Variants in TMEM11 observed in about 807,000 individuals in gnomAD.
The protein encoded by TMEM11 is transmembrane protein 11.
A neutral mutation model predicts 17.0 loss-of-function variants in TMEM11; 1 was observed. The observed-to-expected ratio is 0.06, with a 90% CI of 0.02 to 0.28. The LOEUF (loss-of-function observed/expected upper bound fraction) is 0.28. Among genes scored for constraint, TMEM11 ranks in the 10% least tolerant of loss-of-function variants. The pLI is 1.00. For missense variants in TMEM11, 172 were observed against 252.9 expected (o/e 0.68, Z 2.17); for synonymous variants, 122 against 118.1 (o/e 1.03, Z -0.21).
Position 21,198,834 on chromosome 17 carries a change from G to T in TMEM11, c.69C>A (p.Ser23Arg), listed in dbSNP as rs1974848639. Residue 23 changes from serine (S) to arginine (R), a missense_variant, in exon 2 of 2, where the codon AGC (serine) becomes AGA (arginine). Ser to Arg is a moderately radical substitution (Grantham distance 110). Around this residue, in one of 2 missense-constraint regions of TMEM11, gnomAD observed 49 missense variants for 39.3 expected, o/e 1.25. Coordinates refer to ENST00000317635, the MANE Select transcript of TMEM11 (RefSeq NM_003876.3). This position sits in a 1 kb window ranked among gnomAD's most constrained non-coding sequence, Gnocchi z 6.5. ...CAATGTAGCAGTCTGTGGCCGACAA[G>T]CTCACCCTTTTGATGGAGGGGGCAG... is the stretch of plus-strand genomic sequence containing the variant. ...SSGGSARERV[S>R]LSATDCYIVH... The T allele has an allele frequency of 6.2e-7, 1 of 1,607,852 alleles. No homozygotes were observed. Among genetic ancestry groups the T allele is most frequent in the Non-Finnish European group, 8.5e-7 (1 of 1,175,650 alleles).
chr17:21,203,959 T>TC (rs1974911848), intron 1 of TMEM11, among the ~76,000 whole-genome samples: 3 of 40,390 alleles, frequency 7.4e-5, no homozygotes, highest in Admixed American at 6.1e-4. Flanking sequence ...TCTTTTTTTT[T>TC]CCTTTTTTTT....
intron 1 of TMEM11, among the ~76,000 whole-genome samples, chr17:21,204,429 T>C (rs1274081811): frequency 3.9e-5 from 4 of 102,132 alleles, no homozygotes; most frequent in African/African-American, 1.8e-4. Context: ...TAAAACTCCG[T>C]CTCAATAAAA....
intron 1 of TMEM11, among the ~76,000 whole-genome samples, chr17:21,208,193 T>C (rs1056768436): frequency 2.0e-5 from 3 of 150,178 alleles, no homozygotes; most frequent in Non-Finnish European, 3.0e-5. Context: ...GGGGTTTCAC[T>C]GTGTTAGCGA....
intron 1 of TMEM11, among the ~76,000 whole-genome samples, chr17:21,209,749 A>G (rs2144309931): frequency 6.6e-6 from 1 of 152,330 alleles, no homozygotes; most frequent in South Asian, 2.1e-4. Context: ...AGCCTGGGTG[A>G]CAGAGCCAGA....
rs1307941779 is a variant in TMEM11 at position 21,209,630 on chromosome 17, G to A, written c.62+4461C>T. 5.3e-5 allele frequency among the ~76,000 whole-genome samples: 8 copies of A among 152,130 alleles called. No homozygotes were observed. The South Asian group carries it at 6.2e-4, about 12-fold the overall frequency. ...CAAAAAATACAAAAATGAGCTGGGCGTGGTGGTACATGCCTGTGGTCCCAG... is the reference window on the plus strand; with the variant it reads ...CAAAAAATACAAAAATGAGCTGGGCATGGTGGTACATGCCTGTGGTCCCAG... On this transcript the variant is annotated intron_variant, in intron 1 of 1. Transcript: ENST00000317635.
chr17:21,212,610 A>C (rs984980493), intron 1 of TMEM11, among the ~76,000 whole-genome samples: 3 of 152,370 alleles, frequency 2.0e-5, no homozygotes, highest in Admixed American at 2.0e-4. Flanking sequence ...TCAAGCCAAA[A>C]CAAAAACAAT....
intron 1 of TMEM11, among the ~76,000 whole-genome samples, chr17:21,202,036 A>AGATGAGAAATG (rs1974888091): frequency 6.6e-6 from 1 of 152,252 alleles, no homozygotes; most frequent in East Asian, 1.9e-4. Context: ...CCACGTGCTC[A>AGATGAGAAATG]GATGAGAAAT....
At chr17:21,208,034 C>A (rs1974962320) in intron 1 of TMEM11, among the ~76,000 whole-genome samples, 1 of 150,800 alleles carries the variant, frequency 6.6e-6, no homozygotes, top group South Asian at 2.1e-4. Flanking sequence ...GCTCTGTCGC[C>A]CAGGCTCAAG....
At chr17:21,211,301 T>G in intron 1 of TMEM11, 1 of 1,122,356 alleles carries the variant, frequency 8.9e-7, no homozygotes, top group Admixed American at 2.4e-5. Context: ...CCTCCTATCT[T>G]AGTCGAAACC....
In TMEM11 at chr17:21,198,911, T is replaced by C. The variant is rs895785756; in HGVS notation, c.63-71A>G. The C allele has an allele frequency of 2.0e-6, 3 of 1,527,670 alleles. No individual in the cohort carries two copies. Among genetic ancestry groups the C allele is most frequent in the Admixed American group, 3.8e-5 (2 of 52,898 alleles). 94.6% of individuals were successfully genotyped at this position (1,527,670 alleles called of 1,614,324 possible). A position where few individuals can be genotyped will look rare whatever the true frequency, so the allele number is the denominator to read the frequency against. ...ATGATTAGGCTGAGGAGCACTTAACTGTGTTTCAGCGCTGGGGGAGGTCTG... is the reference window on the plus strand; with the variant it reads ...ATGATTAGGCTGAGGAGCACTTAACCGTGTTTCAGCGCTGGGGGAGGTCTG... On this transcript the variant is annotated intron_variant, in intron 1 of 1. Coordinates refer to ENST00000317635, the MANE Select transcript of TMEM11 (RefSeq NM_003876.3). The surrounding 1 kb of genome is among the most constrained non-coding windows in gnomAD (Gnocchi z 6.5).
intron 1 of TMEM11, among the ~76,000 whole-genome samples, chr17:21,211,402 T>C (rs953839076): frequency 6.6e-6 from 1 of 152,232 alleles, no homozygotes; most frequent in African/African-American, 2.4e-5. Context: ...AAGTGGCTAT[T>C]GAGCACTTGA....
chr17:21,202,496 T>G (rs866886399), intron 1 of TMEM11, among the ~76,000 whole-genome samples: 1 of 152,104 alleles, frequency 6.6e-6, no homozygotes, highest in African/African-American at 2.4e-5. Context: ...GAAATTCCAG[T>G]GGAAACCCCG....
intron 1 of TMEM11, among the ~76,000 whole-genome samples, chr17:21,203,950 CTTTTTTTTTCCTTT>C (rs1158369109): frequency 1.2e-4 from 7 of 59,722 alleles, no homozygotes; most frequent in African/African-American, 3.6e-4. Flanking sequence ...CATGGGAGAT[CTTTTTTTTTCCTTT>C]TTTTTTTTTT....
chr17:21,209,813 G>A (rs546431295), intron 1 of TMEM11, among the ~76,000 whole-genome samples: 2 of 152,266 alleles, frequency 1.3e-5, no homozygotes, highest in African/African-American at 4.8e-5. Flanking sequence ...AGAGCCACAC[G>A]TGGCTAATGG....
chr17:21,204,435 T>TAAAAAAAAA (rs71160127), intron 1 of TMEM11, among the ~76,000 whole-genome samples: 12 of 96,796 alleles, frequency 1.2e-4, no homozygotes, highest in African/African-American at 3.0e-4. Flanking sequence ...TCCGTCTCAA[T>TAAAAAAAAA]AAAAAAAAAA....
At chr17:21,199,818 ACTG>A (rs1974863576) in intron 1 of TMEM11, among the ~76,000 whole-genome samples, 1 of 152,166 alleles carries the variant, frequency 6.6e-6, no homozygotes, top group African/African-American at 2.4e-5. Context: ...ACACTAGCCC[ACTG>A]CATAGGAAAA....
chr17:21,208,700 C>T (rs758568226), intron 1 of TMEM11, among the ~76,000 whole-genome samples: 4 of 152,136 alleles, frequency 2.6e-5, no homozygotes, highest in Non-Finnish European at 5.9e-5. Context: ...GAGTGGGGCC[C>T]GGGCTCACAG....
chr17:21,207,329 A>G (rs1345758371), intron 1 of TMEM11, among the ~76,000 whole-genome samples: 1 of 151,664 alleles, frequency 6.6e-6, no homozygotes, highest in African/African-American at 2.4e-5. Flanking sequence ...CAGGACTTCA[A>G]GACCAGGCTG....
intron 1 of TMEM11, among the ~76,000 whole-genome samples, chr17:21,204,406 C>T (rs1324372775): frequency 1.5e-5 from 2 of 132,292 alleles, no homozygotes; most frequent in Admixed American, 8.7e-5. Flanking sequence ...TGCACTCCAG[C>T]GTGGGCAACA....
Sources: gnomAD v4.1 joint callset for allele counts (sites outside exome capture counted in the v4.1 genomes callset) on GRCh38, gnomAD v4.1.1 for gene constraint, gnomAD v4.1.1 regional missense constraint, Gnocchi (gnomAD v3.1) non-coding constraint, MANE v1.5 for transcripts, NCBI Gene and HGNC (gene_info 2026-07-23, HGNC 2026-07-21) for gene names.